Variants in MCTP1 observed in about 807,000 individuals in gnomAD.
MCTP1 encodes the protein multiple C2 and transmembrane domain-containing protein 1.
MCTP1 carries 69 observed loss-of-function variants against 120.6 expected under a neutral mutation model. The observed-to-expected ratio is 0.57, with a 90% CI of 0.47 to 0.70. The LOEUF is 0.70. Among genes scored for constraint, MCTP1 ranks in the 30% least tolerant of loss-of-function variants. MCTP1 has a pLI of 0.00. For synonymous variants in MCTP1, 529 were observed against 493.1 expected, an observed-to-expected ratio of 1.07 and a Z score of -0.96; for missense variants, 1,203 against 1,248.8, an observed-to-expected ratio of 0.96 and a Z score of 0.55.
chr5:94,789,682 A>G (rs1188618888), intron 18 of MCTP1: 6 of 152,180 alleles, frequency 3.9e-5, no homozygotes, highest in African/African-American at 1.4e-4. Context: ...TTTTGACTAA[A>G]CATTCTGCAT....
chr5:95,009,056 AAGAGAGAGAGAGAGAGAGAGAGAGAGAG>A lies in MCTP1; in HGVS notation c.838+8283_838+8310del, dbSNP rs201724037. On this transcript the variant is annotated intron_variant, in intron 2 of 22. Transcript: ENST00000515393. Reference sequence around the variant, plus strand: ...TAAGAGTGAGAGTGAGAGAGGGAGAAAGAGAGAGAGAGAGAGAGAGAGAGAGAGAGAGAGAGAGAGAGAGAGAGAGAGA... The same window carrying A: ...TAAGAGTGAGAGTGAGAGAGGGAGAAAGAGAGAGAGAGAGAGAGAGAGAGA... Among the ~76,000 whole-genome samples, 271 of 129,116 alleles carry A rather than the reference AAGAGAGAGAGAGAGAGAGAGAGAGAGAG, an allele frequency of 2.1e-3. 2 individuals are homozygous for A. Among genetic ancestry groups the A allele is most frequent in the Admixed American group, 3.9e-3 (52 of 13,400 alleles). The allele number at this position is 129,116 out of a possible 152,430, so 84.7% of individuals were successfully genotyped here.
chr5:94,888,994 A>T, intron 11 of MCTP1, 22 bp from the exon 12 acceptor site: 1 of 1,533,456 alleles, frequency 6.5e-7, no homozygotes, highest in Non-Finnish European at 9.0e-7. Context: ...CAACATCAGT[A>T]TTAGAAAAGG....
At chr5:95,123,579 T>G (rs974259535) in intron 1 of MCTP1, among the ~76,000 whole-genome samples, 7 of 152,044 alleles carry the variant, frequency 4.6e-5, no homozygotes, top group African/African-American at 1.7e-4. Context: ...ACAGGAGAGG[T>G]AGAATTTATC....
At chr5:95,055,227 T>C (rs1486424784) in intron 1 of MCTP1, among the ~76,000 whole-genome samples, 1 of 152,214 alleles carries the variant, frequency 6.6e-6, no homozygotes. Flanking sequence ...TTGTGGATCT[T>C]TTTAACTGTA....
At chr5:94,910,881 T>C (rs1204662324) in intron 9 of MCTP1, among the ~76,000 whole-genome samples, 1 of 151,860 alleles carries the variant, frequency 6.6e-6, no homozygotes, top group African/African-American at 2.4e-5. Context: ...AATTTAAATG[T>C]CTTATAATCA....
At chr5:94,846,273 T>C (rs1023955727) in intron 17 of MCTP1, among the ~76,000 whole-genome samples, 1 of 152,094 alleles carries the variant, frequency 6.6e-6, no homozygotes, top group Non-Finnish European at 1.5e-5. Flanking sequence ...AACAGTAGAC[T>C]GGATAAAGAA....
chr5:94,782,627 G>C (rs1485643789), intron 18 of MCTP1, among the ~76,000 whole-genome samples: 1 of 152,132 alleles, frequency 6.6e-6, no homozygotes, highest in Non-Finnish European at 1.5e-5. Flanking sequence ...TTTAGGATGA[G>C]AGTGCTGGAG....
intron 1 of MCTP1, among the ~76,000 whole-genome samples, chr5:95,073,583 G>T (rs182884649): frequency 9.2e-5 from 14 of 152,252 alleles, no homozygotes; most frequent in Admixed American, 9.2e-4. Flanking sequence ...TACTCAAAAG[G>T]TTTCCCCAAG....
At chr5:94,983,633 C>T (rs928640195) in intron 2 of MCTP1, among the ~76,000 whole-genome samples, 8 of 141,900 alleles carry the variant, frequency 5.6e-5, no homozygotes, top group African/African-American at 1.9e-4. Flanking sequence ...CACTGAGATC[C>T]TATCTTTATC....
intron 19 of MCTP1, among the ~76,000 whole-genome samples, chr5:94,739,665 G>C (rs769478219): frequency 1.3e-5 from 2 of 152,094 alleles, no homozygotes; most frequent in African/African-American, 4.8e-5. Context: ...AGTTTTGTTT[G>C]TTTGTTTTTT....
intron 2 of MCTP1, among the ~76,000 whole-genome samples, chr5:95,008,669 T>G (rs564537194): frequency 3.4e-4 from 51 of 152,196 alleles, no homozygotes; most frequent in African/African-American, 1.2e-3. Context: ...GAAGATGTAA[T>G]TAAGTTAAAG....
intron 2 of MCTP1, among the ~76,000 whole-genome samples, chr5:94,969,075 T>A (rs952726487): frequency 6.6e-6 from 1 of 152,198 alleles, no homozygotes; most frequent in Non-Finnish European, 1.5e-5. Context: ...ATCCTAGACC[T>A]AGGAAATATC....
intron 10 of MCTP1, among the ~76,000 whole-genome samples, chr5:94,909,049 C>T (rs1807720779): frequency 1.3e-5 from 2 of 152,146 alleles, no homozygotes; most frequent in East Asian, 3.9e-4. Context: ...ATTCAGATAG[C>T]CTGTGTCCAT....
At chr5:95,093,690 C>T (rs1756016194) in intron 1 of MCTP1, among the ~76,000 whole-genome samples, 1 of 152,110 alleles carries the variant, frequency 6.6e-6, no homozygotes, top group Non-Finnish European at 1.5e-5. Context: ...AAAGGGAGTC[C>T]TCAAAATCTC....
chr5:94,749,001 T>C (rs553168956), intron 19 of MCTP1, among the ~76,000 whole-genome samples: 7 of 152,356 alleles, frequency 4.6e-5, no homozygotes, highest in Non-Finnish European at 8.8e-5. Flanking sequence ...TTTTTGATGC[T>C]TCTGCTGTAA....
intron 1 of MCTP1, among the ~76,000 whole-genome samples, chr5:95,169,876 T>A (rs1243180612): frequency 1.3e-5 from 2 of 152,192 alleles, no homozygotes; most frequent in East Asian, 3.8e-4. Context: ...TTTAAGGGTT[T>A]TTCGTGTCTC....
intron 19 of MCTP1, among the ~76,000 whole-genome samples, chr5:94,767,900 A>C (rs544783732): frequency 1.3e-5 from 2 of 152,196 alleles, no homozygotes; most frequent in Non-Finnish European, 2.9e-5. Flanking sequence ...AATAGAAAAA[A>C]CAATGCTAAA....
intron 1 of MCTP1, among the ~76,000 whole-genome samples, chr5:95,063,045 T>C (rs1346258719): frequency 6.6e-6 from 1 of 152,144 alleles, no homozygotes; most frequent in Non-Finnish European, 1.5e-5. Flanking sequence ...CTGGAACTCC[T>C]GTGTTCAAGC....
intron 1 of MCTP1, among the ~76,000 whole-genome samples, chr5:95,247,584 C>T (rs892822760): frequency 2.0e-5 from 3 of 152,126 alleles, no homozygotes; most frequent in African/African-American, 7.2e-5. Flanking sequence ...GATTCTGGTA[C>T]ATTGTGTCTT....
Sources: allele counts gnomAD v4.1 joint callset (sites outside exome capture counted in the v4.1 genomes callset), GRCh38; gene constraint gnomAD v4.1.1; transcripts MANE v1.5; gene names NCBI Gene and HGNC (gene_info 2026-07-23, HGNC 2026-07-21).